The following TNR variants were observed in gnomAD, a reference collection of about 807,000 sequenced individuals.
TNR encodes tenascin-R.
Under a neutral mutation model 150.4 loss-of-function variants are expected in TNR, and 45 were observed. The observed-to-expected ratio is 0.30, with a 90% CI of 0.24 to 0.38. TNR has a LOEUF of 0.38. TNR is among the 10% of genes least tolerant of loss of function. The pLI is 1.00. For synonymous variants in TNR, 687 were observed against 678.4 expected (o/e 1.01, Z -0.20); for missense variants, 1,544 against 1,759.1 (o/e 0.88, Z 2.19).
intron 1 of TNR, among the ~76,000 whole-genome samples, chr1:175,710,056 C>T (rs760892916): frequency 2.2e-4 from 34 of 151,934 alleles, no homozygotes; most frequent in African/African-American, 3.9e-4. Context: ...AAGTATGATT[C>T]GACTTGCATT....
intron 4 of TNR, among the ~76,000 whole-genome samples, chr1:175,397,544 CT>C (rs1174337150): frequency 5.3e-5 from 8 of 152,214 alleles, no homozygotes; most frequent in Non-Finnish European, 1.2e-4. Context: ...TCCTGATTAT[CT>C]TGCAAATTAT....
At chr1:175,353,061 C>T (rs1008011591) in intron 18 of TNR, among the ~76,000 whole-genome samples, 4 of 152,158 alleles carry the variant, frequency 2.6e-5, no homozygotes, top group Non-Finnish European at 5.9e-5. Flanking sequence ...CACATGTATG[C>T]ACCCACACCC....
At chr1:175,324,654 T>G in intron 21 of TNR, 135 bp from the exon 22 acceptor site, 1 of 1,049,616 alleles carries the variant, frequency 9.5e-7, no homozygotes, top group Non-Finnish European at 1.4e-6. Flanking sequence ...TTTCTCAGAG[T>G]GGCTGTGCTG....
At chr1:175,650,330 C>A (rs1664922756) in intron 1 of TNR, among the ~76,000 whole-genome samples, 1 of 151,980 alleles carries the variant, frequency 6.6e-6, no homozygotes, top group Non-Finnish European at 1.5e-5. Context: ...ATGAAGTGAG[C>A]TAAGATCATG....
chr1:175,364,717 C>A (rs1651754520), intron 12 of TNR, among the ~76,000 whole-genome samples: 1 of 152,222 alleles, frequency 6.6e-6, no homozygotes. Context: ...GACTAGCTTT[C>A]TCCAGTGCTT....
At chr1:175,710,950 T>C (rs1666994216) in intron 1 of TNR, among the ~76,000 whole-genome samples, 1 of 152,108 alleles carries the variant, frequency 6.6e-6, no homozygotes, top group Non-Finnish European at 1.5e-5. Context: ...CTCTACCTGT[T>C]CTGTGCTCCC....
chr1:175,602,203 CA>C (rs57341654), intron 1 of TNR, among the ~76,000 whole-genome samples: 935 of 30,534 alleles, frequency 0.031, 2 homozygotes, highest in African/African-American at 0.078. Context: ...GGACCAAAGG[CA>C]AAAAAAAAAA....
intron 1 of TNR, among the ~76,000 whole-genome samples, chr1:175,611,548 G>T (rs1346594298): frequency 6.6e-6 from 1 of 152,082 alleles, no homozygotes; most frequent in Admixed American, 6.6e-5. Context: ...TGCTCAGGCT[G>T]TTCTGCAACT....
At chr1:175,664,116 C>T (rs1297386802) in intron 1 of TNR, among the ~76,000 whole-genome samples, 2 of 152,186 alleles carry the variant, frequency 1.3e-5, no homozygotes, top group South Asian at 2.1e-4. Context: ...CAAAGGGGCC[C>T]GTCTAACCCT....
chr1:175,568,229 T>G (rs1376630475), intron 1 of TNR, among the ~76,000 whole-genome samples: 1 of 152,166 alleles, frequency 6.6e-6, no homozygotes, highest in Admixed American at 6.5e-5. Context: ...CCTCATATAG[T>G]AAATAATTAT....
chr1:175,695,995 T>TGGATGGATGGAA (rs2101922285), intron 1 of TNR, among the ~76,000 whole-genome samples: 1 of 151,550 alleles, frequency 6.6e-6, no homozygotes, highest in African/African-American at 2.4e-5. Context: ...TATGGATGGA[T>TGGATGGATGGAA]GGATGGATGG....
rs1222625988 is a variant in TNR, at chr1:175,406,307, C to A, written c.408G>T (p.Glu136Asp). 6.2e-7 allele frequency: 1 copy of A among 1,614,156 alleles called. No homozygotes were observed. The highest frequency in any genetic ancestry group is 1.1e-5 in the South Asian group (1 of 91,078). Residue 136 changes from glutamate to aspartate, a missense_variant, in exon 3 of 23, where the codon GAG becomes GAT. Glu to Asp is a conservative substitution (Grantham distance 45). Around this residue, in one of 2 missense-constraint regions of TNR, gnomAD observed 1,254 missense variants for 1,329.4 expected, o/e 0.94. Coordinates refer to ENST00000367674, the MANE Select transcript of TNR (RefSeq NM_003285.3). The part of the protein sequence containing the change: ...PCASSAQVLQ[E>D]LLSRIEMLER... ...CCAGCATCTCGATCCGGCTCAGCAGCTCCTGCAGCACCTGGGCTGAACTGG... is the reference window on the plus strand; with the variant it reads ...CCAGCATCTCGATCCGGCTCAGCAGATCCTGCAGCACCTGGGCTGAACTGG...
chr1:175,565,638 T>C (rs1001154382), intron 1 of TNR, among the ~76,000 whole-genome samples: 6 of 152,214 alleles, frequency 3.9e-5, no homozygotes, highest in Non-Finnish European at 7.3e-5. Context: ...CAAACCCTTA[T>C]AGACACACAT....
At chr1:175,729,540 A>G (rs1667576321) in intron 1 of TNR, among the ~76,000 whole-genome samples, 2 of 151,596 alleles carry the variant, frequency 1.3e-5, no homozygotes, top group Non-Finnish European at 2.9e-5. Flanking sequence ...ACGATCCCCT[A>G]CCTCAACCTC....
chr1:175,738,697 T>A (rs901270281), intron 1 of TNR, among the ~76,000 whole-genome samples: 2 of 152,184 alleles, frequency 1.3e-5, no homozygotes, highest in East Asian at 3.9e-4. Context: ...CCTTTGCCAA[T>A]TGGCATATTA....
chr1:175,447,130 G>A (rs984318463), intron 2 of TNR, among the ~76,000 whole-genome samples: 21 of 151,864 alleles, frequency 1.4e-4, no homozygotes, highest in Admixed American at 1.2e-3. Flanking sequence ...CGGGACACAA[G>A]CCCAGCACCC....
chr1:175,730,051 A>T (rs1381656672), intron 1 of TNR, among the ~76,000 whole-genome samples: 1 of 152,152 alleles, frequency 6.6e-6, no homozygotes, highest in African/African-American at 2.4e-5. Context: ...AATTCTCCCC[A>T]TGAGTATCCT....
chr1:175,361,616 G>A lies in TNR; in HGVS notation c.2854+1047C>T, dbSNP rs887795553. ...TTTCTGAGCTTCCGAGAACATCTAC[G>A]AAAGCAGTAAGGAATTCTAAAGTAT... On this transcript the variant is annotated intron_variant, in intron 14 of 22. Transcript: ENST00000367674. Among the ~76,000 whole-genome samples, 6 of 152,310 alleles carry A rather than the reference G, an allele frequency of 3.9e-5. No individual in the cohort carries two copies. In the South Asian group the frequency reaches 1.2e-3, roughly 32 times the overall value.
intron 1 of TNR, among the ~76,000 whole-genome samples, chr1:175,549,868 C>A (rs1660865835): frequency 6.6e-6 from 1 of 152,118 alleles, no homozygotes; most frequent in Non-Finnish European, 1.5e-5. Flanking sequence ...CTGGTCAACA[C>A]CATGATCCCA....
Sources: allele counts gnomAD v4.1 joint callset (sites outside exome capture counted in the v4.1 genomes callset), GRCh38; gene constraint gnomAD v4.1.1; regional missense constraint gnomAD v4.1.1; transcripts MANE v1.5; gene names NCBI Gene and HGNC (gene_info 2026-07-23, HGNC 2026-07-21).